IL1RAPL1: variants seen among roughly 807,000 people sequenced by gnomAD.
IL1RAPL1 encodes interleukin-1 receptor accessory protein-like 1.
In IL1RAPL1, 3 loss-of-function variants were observed where a neutral mutation model predicts 48.4. The observed-to-expected ratio is 0.06, with a 90% CI of 0.03 to 0.16. The LOEUF (loss-of-function observed/expected upper bound fraction) is 0.16, where lower values mean the gene tolerates loss of function less well. Ranked by LOEUF, IL1RAPL1 falls within the 10% of genes least tolerant of loss-of-function variation. The pLI, the probability that IL1RAPL1 is intolerant of heterozygous loss-of-function variation, is 1.00. For synonymous variants in IL1RAPL1, 185 were observed against 187.7 expected, an observed-to-expected ratio of 0.99 and a Z score of 0.12; for missense variants, 349 against 530.6, an observed-to-expected ratio of 0.66 and a Z score of 3.36.
At chrX:29,608,549 G>C (rs1253522782) in intron 5 of IL1RAPL1, among the ~76,000 whole-genome samples, 1 of 111,336 alleles carries the variant, frequency 9.0e-6, no homozygotes, top group Non-Finnish European at 1.9e-5. Flanking sequence ...GGAGGAGGCC[G>C]GGCGCGGTGG....
chrX:28,729,263 A>G (rs371975658), intron 1 of IL1RAPL1, among the ~76,000 whole-genome samples: 6 of 111,743 alleles, frequency 5.4e-5, no homozygotes, highest in African/African-American at 1.9e-4. Flanking sequence ...GTAATAGCCA[A>G]GGGAGTGCCA....
intron 2 of IL1RAPL1, among the ~76,000 whole-genome samples, chrX:29,212,979 A>G (rs1269352292): frequency 1.8e-5 from 2 of 111,305 alleles, no homozygotes; most frequent in African/African-American, 6.6e-5. Flanking sequence ...AGTCAACTGT[A>G]TATTCAGAAT....
At chrX:28,785,561 T>C (rs979750235) in intron 1 of IL1RAPL1, among the ~76,000 whole-genome samples, 1 of 112,121 alleles carries the variant, frequency 8.9e-6, no homozygotes, top group African/African-American at 3.2e-5. Context: ...TTTCTCCCTC[T>C]TGATTCATTT....
At chrX:29,953,012 T>C (rs1036301061) in intron 9 of IL1RAPL1, among the ~76,000 whole-genome samples, 14 of 112,011 alleles carry the variant, frequency 1.2e-4, no homozygotes, top group African/African-American at 4.5e-4. Context: ...AACACACATG[T>C]ATATATCTCA....
intron 3 of IL1RAPL1, among the ~76,000 whole-genome samples, chrX:29,342,136 GTGTGTGTGTGTGTGTGTGTT>G (rs1933089378): frequency 1.0e-5 from 1 of 99,362 alleles, no homozygotes; most frequent in Non-Finnish European, 2.0e-5. Context: ...GTGTGTGTGT[GTGTGTGTGTGTGTGTGTGTT>G]TGTTTTGTTT....
chrX:29,570,766 A>ACT (rs1437047145), intron 5 of IL1RAPL1, among the ~76,000 whole-genome samples: 1 of 112,298 alleles, frequency 8.9e-6, no homozygotes, highest in Non-Finnish European at 1.9e-5. Flanking sequence ...GATACTGAGC[A>ACT]CTACGTTACA....
rs1423158208 is a variant in IL1RAPL1, at chrX:29,379,424, T to TG, written c.363-16831dup. On this transcript the variant is annotated intron_variant, in intron 3 of 10. Coordinates refer to ENST00000378993, the MANE Select transcript of IL1RAPL1 (RefSeq NM_014271.4). ...GAGGAAAATGGGGATCCCTGTGGGATGGGCACCTACCTAAGGCCATGCCCT... is the reference window on the plus strand; with the variant it reads ...GAGGAAAATGGGGATCCCTGTGGGATGGGGCACCTACCTAAGGCCATGCCCT... Among the ~76,000 whole-genome samples the TG allele has an allele frequency of 2.7e-5, 3 of 112,129 alleles. No homozygotes were observed. The Admixed American group carries it at 2.8e-4, about 11-fold the overall frequency.
intron 6 of IL1RAPL1, among the ~76,000 whole-genome samples, chrX:29,678,544 GTT>G (rs1926355801): frequency 5.1e-5 from 5 of 98,847 alleles, no homozygotes; most frequent in South Asian, 9.3e-4. Context: ...GTGTGTGTGT[GTT>G]TTTAGTAGAC....
intron 9 of IL1RAPL1, among the ~76,000 whole-genome samples, chrX:29,945,128 C>T (rs1933193067): frequency 9.0e-6 from 1 of 111,600 alleles, no homozygotes; most frequent in African/African-American, 3.3e-5. Context: ...TTCTGTTATC[C>T]TCTTCTCCTC....
chrX:29,385,055 C>T (rs1443782500), intron 3 of IL1RAPL1, among the ~76,000 whole-genome samples: 1 of 111,529 alleles, frequency 9.0e-6, no homozygotes, highest in Non-Finnish European at 1.9e-5. Flanking sequence ...ACACAATTGA[C>T]CCTTTGAATC....
chrX:29,946,100 A>G (rs1933208794), intron 9 of IL1RAPL1, among the ~76,000 whole-genome samples: 1 of 111,607 alleles, frequency 9.0e-6, no homozygotes, highest in Admixed American at 9.5e-5. Context: ...CCTCTCAAAA[A>G]TAGATATTTT....
chrX:29,042,852 G>A (rs1256269336), intron 2 of IL1RAPL1, among the ~76,000 whole-genome samples: 1 of 111,893 alleles, frequency 8.9e-6, no homozygotes, highest in African/African-American at 3.2e-5. Flanking sequence ...ACCATAGATA[G>A]CAATAGTAAT....
intron 2 of IL1RAPL1, among the ~76,000 whole-genome samples, chrX:28,944,224 G>T (rs1005492901): frequency 9.1e-6 from 1 of 110,280 alleles, no homozygotes; most frequent in Non-Finnish European, 1.9e-5. Context: ...ATTAAGATTT[G>T]GTAAGTTCTC....
intron 6 of IL1RAPL1, among the ~76,000 whole-genome samples, chrX:29,880,477 A>G (rs1020573535): frequency 2.1e-4 from 24 of 111,940 alleles, no homozygotes; most frequent in African/African-American, 7.5e-4. Context: ...TGCAAGTCAA[A>G]GTAAAAACAA....
chrX:29,661,204 TC>T (rs1925836775), intron 5 of IL1RAPL1, among the ~76,000 whole-genome samples: 1 of 112,746 alleles, frequency 8.9e-6, no homozygotes, highest in Non-Finnish European at 1.9e-5. Context: ...ATTTATCAAA[TC>T]TAAGAGTTTT....
At chrX:29,903,302 ACTTTG>A (rs931761740) in intron 6 of IL1RAPL1, among the ~76,000 whole-genome samples, 1 of 111,365 alleles carries the variant, frequency 9.0e-6, no homozygotes, top group Non-Finnish European at 1.9e-5. Context: ...TTTGTAAACC[ACTTTG>A]CTTTTATCTT....
At chrX:29,720,767 T>TA (rs1424379061) in intron 6 of IL1RAPL1, among the ~76,000 whole-genome samples, 1 of 111,161 alleles carries the variant, frequency 9.0e-6, no homozygotes, top group Non-Finnish European at 1.9e-5. Context: ...AAAAATAAAT[T>TA]AAAAAAACAA....
intron 2 of IL1RAPL1, among the ~76,000 whole-genome samples, chrX:28,902,073 C>T (rs1012842761): frequency 1.4e-4 from 16 of 111,875 alleles, no homozygotes. Flanking sequence ...AAGACCTTCC[C>T]AAAGTTCTAT....
chrX:29,185,017 A>G (rs1444301272), intron 2 of IL1RAPL1, among the ~76,000 whole-genome samples: 1 of 112,439 alleles, frequency 8.9e-6, no homozygotes, highest in Non-Finnish European at 1.9e-5. Flanking sequence ...GATTTCTGTT[A>G]TTCCATAGAA....
Sources: allele counts gnomAD v4.1 joint callset (sites outside exome capture counted in the v4.1 genomes callset), GRCh38; gene constraint gnomAD v4.1.1; transcripts MANE v1.5; gene names NCBI Gene and HGNC (gene_info 2026-07-23, HGNC 2026-07-21).